Variants in R3HDM1 observed in about 807,000 individuals in gnomAD.
The protein encoded by R3HDM1 is R3H domain-containing protein 1.
Under a neutral mutation model 141.1 loss-of-function variants are expected in R3HDM1, and 46 were observed. That is an observed-to-expected ratio of 0.33 (90% CI 0.26 to 0.42). R3HDM1 has a LOEUF of 0.42. Ranked by LOEUF, R3HDM1 falls within the 10% of genes least tolerant of loss-of-function variation. The pLI, the probability that R3HDM1 is intolerant of heterozygous loss-of-function variation, is 1.00. For synonymous variants in R3HDM1, 435 were observed against 472.9 expected, an observed-to-expected ratio of 0.92 and a Z score of 1.04; for missense variants, 1,184 against 1,368.3, an observed-to-expected ratio of 0.87 and a Z score of 2.12.
At chr2:135,597,302 T>C (rs902089352) in intron 1 of R3HDM1, 8 of 966,174 alleles carry the variant, frequency 8.3e-6, no homozygotes, top group East Asian at 1.1e-4. Flanking sequence ...GTAACTGATA[T>C]TCATTAAAGC....
intron 15 of R3HDM1, among the ~76,000 whole-genome samples, chr2:135,642,705 G>A (rs898798719): frequency 6.6e-6 from 1 of 152,076 alleles, no homozygotes; most frequent in African/African-American, 2.4e-5. Flanking sequence ...AGGCAGATAC[G>A]GGTGGGAGTA....
chr2:135,702,758 A>C (rs1472196343), intron 21 of R3HDM1, among the ~76,000 whole-genome samples: 3 of 152,010 alleles, frequency 2.0e-5, no homozygotes, highest in South Asian at 4.2e-4. Flanking sequence ...TGGAGGTTGC[A>C]GCGAGCCGAG....
intron 18 of R3HDM1, among the ~76,000 whole-genome samples, chr2:135,653,331 G>A (rs1199584378): frequency 6.6e-6 from 1 of 152,046 alleles, no homozygotes; most frequent in East Asian, 1.9e-4. Context: ...ACTCCAGTCT[G>A]GGCAACAGAG....
At chr2:135,661,750 A>G (rs1269182937) in intron 19 of R3HDM1, among the ~76,000 whole-genome samples, 2 of 152,234 alleles carry the variant, frequency 1.3e-5, no homozygotes, top group African/African-American at 4.8e-5. Context: ...TGACTTATGA[A>G]TGGCTAACCA....
intron 1 of R3HDM1, among the ~76,000 whole-genome samples, chr2:135,589,887 A>G (rs1020645286): frequency 1.3e-5 from 2 of 152,054 alleles, no homozygotes; most frequent in African/African-American, 4.8e-5. Context: ...ATAAATATGC[A>G]TGTCATTTTA....
At chr2:135,675,301 G>A (rs1310349387) in intron 19 of R3HDM1, 31 bp from the exon 20 acceptor site, 3 of 1,571,524 alleles carry the variant, frequency 1.9e-6, no homozygotes, top group African/African-American at 2.7e-5. Flanking sequence ...AATGAATTCA[G>A]AGCAGGATTT....
rs141175748 is a variant in R3HDM1, at chr2:135,679,066, C to CT, written c.2308-1078dup. On this transcript the variant is annotated intron_variant, in intron 20 of 26. Coordinates refer to ENST00000683871, the MANE Select transcript of R3HDM1 (RefSeq NM_001378107.1). The stretch of plus-strand genomic sequence containing the variant: ...GAGCCACTGTGCCCAGCCCGGCTTT[C>CT]TTTTTTTTTTTTTTTTTTTTTTTTT... Among the ~76,000 whole-genome samples, 39 of 70,570 alleles carry CT rather than the reference C, an allele frequency of 5.5e-4. 1 individual carries two copies. The highest frequency in any genetic ancestry group is 2.1e-3 in the African/African-American group (37 of 18,008). The allele number at this position is 70,570 out of a possible 152,430, so 46.3% of individuals were successfully genotyped here. A position where few individuals can be genotyped will look rare whatever the true frequency, so the allele number is the denominator to read the frequency against.
intron 1 of R3HDM1, among the ~76,000 whole-genome samples, chr2:135,588,255 T>C (rs939978681): frequency 6.6e-6 from 1 of 152,160 alleles, no homozygotes; most frequent in East Asian, 1.9e-4. Flanking sequence ...CTATGTGCCC[T>C]TCTTTCTTCT....
intron 1 of R3HDM1, among the ~76,000 whole-genome samples, chr2:135,532,139 A>G (rs986115878): frequency 6.6e-6 from 1 of 152,140 alleles, no homozygotes; most frequent in Non-Finnish European, 1.5e-5. Flanking sequence ...CGGCCGCCCC[A>G]CGGCCGCATC....
At chr2:135,722,829 T>C (rs1575284527) in intron 26 of R3HDM1, among the ~76,000 whole-genome samples, 2 of 152,206 alleles carry the variant, frequency 1.3e-5, no homozygotes, top group South Asian at 4.1e-4. Context: ...CTTAGCCTCT[T>C]AGTTCTTTGA....
At chr2:135,531,998 T>C (rs892646301) in intron 1 of R3HDM1, among the ~76,000 whole-genome samples, 1 of 152,192 alleles carries the variant, frequency 6.6e-6, no homozygotes, top group African/African-American at 2.4e-5. Flanking sequence ...TCCGAGTCCC[T>C]GCCATGGCTG....
intron 4 of R3HDM1, 125 bp downstream of exon 4, chr2:135,616,318 A>G (rs1261091434): frequency 1.6e-5 from 16 of 980,404 alleles, no homozygotes; most frequent in Non-Finnish European, 2.2e-5. Context: ...CAGAAAGCTT[A>G]TTTTGTTTTA....
chr2:135,678,696 T>C (rs2069641039), intron 20 of R3HDM1, among the ~76,000 whole-genome samples: 1 of 150,970 alleles, frequency 6.6e-6, no homozygotes, highest in Admixed American at 6.6e-5. Flanking sequence ...TAACCCTCCC[T>C]ATCATTACTA....
chr2:135,701,548 C>T (rs2074212025), intron 21 of R3HDM1, among the ~76,000 whole-genome samples: 1 of 152,130 alleles, frequency 6.6e-6, no homozygotes, highest in South Asian at 2.1e-4. Context: ...TGTTTGGCTA[C>T]TGTTGACTCT....
chr2:135,617,515 T>A (rs2061154003), intron 5 of R3HDM1, among the ~76,000 whole-genome samples: 1 of 152,192 alleles, frequency 6.6e-6, no homozygotes. Context: ...CCAATTTTCA[T>A]ATTAGCTTGG....
In R3HDM1 at chr2:135,709,470, CA is replaced by C; in HGVS notation, c.2499del (p.Val834TyrfsTer33). On this transcript the variant is annotated frameshift_variant, in exon 22 of 27. Transcript: ENST00000683871. LOFTEE classifies it high-confidence loss of function. ...VGYLQHPGSE[Q>X]VQFPRTTSPC... Reference sequence around the variant, plus strand: ...TTACCTGCAACATCCAGGATCAGAACAAGTACAATTTCCTCGAACCACTTCA... The same window carrying C: ...TTACCTGCAACATCCAGGATCAGAACAGTACAATTTCCTCGAACCACTTCA... The C allele has an allele frequency of 6.2e-7, 1 of 1,614,152 alleles. No homozygotes were observed. The highest frequency in any genetic ancestry group is 8.5e-7 in the Non-Finnish European group (1 of 1,180,028).
intron 1 of R3HDM1, among the ~76,000 whole-genome samples, chr2:135,535,754 C>T (rs1045739255): frequency 6.6e-6 from 1 of 152,066 alleles, no homozygotes; most frequent in Non-Finnish European, 1.5e-5. Context: ...TAATTAAACA[C>T]ATTTGCTTGT....
chr2:135,665,310 G>A (rs1216258394), intron 19 of R3HDM1: 2 of 462,710 alleles, frequency 4.3e-6, no homozygotes, highest in Non-Finnish European at 9.1e-6. Flanking sequence ...GCTGTTTTCT[G>A]TGTAGCTTTT....
chr2:135,717,583 AG>A (rs2076294442), intron 24 of R3HDM1, among the ~76,000 whole-genome samples: 1 of 152,208 alleles, frequency 6.6e-6, no homozygotes, highest in Non-Finnish European at 1.5e-5. Context: ...TTGAGGGGAA[AG>A]GGTGAGGATT....
Sources: gnomAD v4.1 joint callset for allele counts (sites outside exome capture counted in the v4.1 genomes callset) on GRCh38, gnomAD v4.1.1 for gene constraint, MANE v1.5 for transcripts, NCBI Gene and HGNC (gene_info 2026-07-23, HGNC 2026-07-21) for gene names.